Variants in UPP2 observed in about 807,000 individuals in gnomAD.
UPP2 encodes the protein uridine phosphorylase 2, also known as UPase 2.
In UPP2, 23 loss-of-function variants were observed where a neutral mutation model predicts 26.7. That is an observed-to-expected ratio of 0.86 (90% CI 0.62 to 1.22). The LOEUF (loss-of-function observed/expected upper bound fraction) is 1.22, where lower values mean the gene tolerates loss of function less well. Among genes scored for constraint, UPP2 ranks in the 50% most tolerant of loss-of-function variants. The probability of loss-of-function intolerance (pLI) is 0.00; values close to 1 mark genes in which losing one functional copy is unlikely to be tolerated. For missense variants in UPP2, 387 were observed against 396.7 expected (o/e 0.98, Z 0.21); for synonymous variants, 127 against 141.3 (o/e 0.90, Z 0.72).
At chr2:157,998,303 T>A (rs926089506) in intron 2 of UPP2, among the ~76,000 whole-genome samples, 16 of 152,158 alleles carry the variant, frequency 1.1e-4, no homozygotes, top group African/African-American at 3.9e-4. Flanking sequence ...TCCCACCTAA[T>A]GCTCCACCAG....
chr2:158,067,384 A>G lies in UPP2; in HGVS notation c.148-34656A>G, dbSNP rs190849543. Among the ~76,000 whole-genome samples the G allele has an allele frequency of 6.5e-3, 960 of 148,642 alleles. 4 individuals carry two copies. The highest frequency in any genetic ancestry group is 0.011 in the Middle Eastern group (3 of 282). The stretch of plus-strand genomic sequence containing the variant: ...GCATTTATCATCAAAAAAAAAAAAA[A>G]AGAGAGAGAGAGAAAAAGAAACAAA... On this transcript the variant is annotated intron_variant, in intron 3 of 9. Coordinates refer to the UPP2 transcript ENST00000605860.
chr2:158,123,667 C>T (rs1046455552), intron 5 of UPP2, 82 bp from the exon 6 acceptor site: 61 of 1,528,452 alleles, frequency 4.0e-5, no homozygotes, highest in Non-Finnish European at 5.2e-5. Flanking sequence ...GCAGCGTGCT[C>T]CAGCCAACAG....
intron 6 of UPP2, chr2:158,126,452 T>C (rs1192106869): frequency 6.6e-6 from 1 of 152,240 alleles, no homozygotes; most frequent in Non-Finnish European, 1.5e-5. Context: ...AATGTCTTCA[T>C]GGTGCCAGCG....
intron 3 of UPP2, among the ~76,000 whole-genome samples, chr2:158,071,770 G>T (rs1431004067): frequency 2.6e-5 from 4 of 151,922 alleles, no homozygotes; most frequent in Admixed American, 2.6e-4. Flanking sequence ...GTCCTGGCAG[G>T]ATTCATCATC....
chr2:158,005,372 A>C (rs1366047036), intron 2 of UPP2, among the ~76,000 whole-genome samples: 11 of 152,216 alleles, frequency 7.2e-5, no homozygotes, highest in African/African-American at 2.7e-4. Flanking sequence ...TTTAAGCAGG[A>C]GAACGACTTG....
intron 3 of UPP2, among the ~76,000 whole-genome samples, chr2:158,022,274 A>G (rs141799770): frequency 0.026 from 3,896 of 152,192 alleles, 161 homozygotes; most frequent in African/African-American, 0.089. Context: ...CCTGGCCAAC[A>G]TGGTGAAACC....
intron 2 of UPP2, among the ~76,000 whole-genome samples, chr2:158,107,959 C>T (rs1208788328): frequency 6.6e-6 from 1 of 152,138 alleles, no homozygotes; most frequent in African/African-American, 2.4e-5. Context: ...CTTTAATACT[C>T]AATAACCAGA....
intron 3 of UPP2, among the ~76,000 whole-genome samples, chr2:158,067,446 A>G (rs1682455947): frequency 6.6e-6 from 1 of 152,116 alleles, no homozygotes; most frequent in South Asian, 2.1e-4. Context: ...AGACAAAGAA[A>G]GACAAATGAG....
At chr2:158,114,580 A>G (rs1683385279) in intron 2 of UPP2, among the ~76,000 whole-genome samples, 1 of 152,260 alleles carries the variant, frequency 6.6e-6, no homozygotes, top group Non-Finnish European at 1.5e-5. Flanking sequence ...TTTCTTCTGA[A>G]TAAGAAATTT....
At chr2:158,029,401 T>C (rs1023167655) in intron 3 of UPP2, among the ~76,000 whole-genome samples, 2 of 152,230 alleles carry the variant, frequency 1.3e-5, no homozygotes, top group African/African-American at 2.4e-5. Context: ...GATAATTAGT[T>C]ACATTGCTTT....
At chr2:158,121,814 T>C (rs1011951480) in intron 5 of UPP2, among the ~76,000 whole-genome samples, 196 bp downstream of exon 5, 3 of 152,056 alleles carry the variant, frequency 2.0e-5, no homozygotes, top group African/African-American at 7.2e-5. Context: ...GAATTTATAT[T>C]GAGGGTGGAT....
chr2:157,998,745 G>A (rs1048264044), intron 2 of UPP2, among the ~76,000 whole-genome samples: 1 of 152,192 alleles, frequency 6.6e-6, no homozygotes, highest in Non-Finnish European at 1.5e-5. Flanking sequence ...GGAGGTTGCA[G>A]TGAGCCGAGA....
rs1360796372 is a variant in UPP2, at chr2:158,135,724, C to T, written c.*834C>T. 6.6e-6 allele frequency: 1 copy of T among 152,146 alleles called. No homozygotes were observed. Among genetic ancestry groups the T allele is most frequent in the African/African-American group, 2.4e-5 (1 of 41,434 alleles). The allele number at this position is 152,146 out of a possible 1,614,324, so 9.4% of individuals were successfully genotyped here. A position where few individuals can be genotyped will look rare whatever the true frequency, so the allele number is the denominator to read the frequency against. ...ATGTTAAAGGAATCCTTTTGTATGA[C>T]TTGTCCAGACCGGCCTATTGCCCTA... is the stretch of plus-strand genomic sequence containing the variant. On this transcript the variant is annotated 3_prime_UTR_variant, in exon 7 of 7. Transcript: ENST00000005756.
chr2:158,058,292 CAAAAAAAAAAAAAAAA>C (rs57994785), intron 3 of UPP2, among the ~76,000 whole-genome samples: 2 of 38,806 alleles, frequency 5.2e-5, no homozygotes, highest in African/African-American at 1.8e-4. Flanking sequence ...GACTCCGTCT[CAAAAAAAAAAAAAAAA>C]AAAAAAAAAA....
At chr2:158,052,640 G>T (rs1411198393) in intron 3 of UPP2, among the ~76,000 whole-genome samples, 1 of 152,074 alleles carries the variant, frequency 6.6e-6, no homozygotes, top group Non-Finnish European at 1.5e-5. Context: ...AACATCTTTG[G>T]GCGTCAATGT....
intron 2 of UPP2, among the ~76,000 whole-genome samples, chr2:158,107,771 G>C (rs1414495313): frequency 6.6e-6 from 1 of 152,152 alleles, no homozygotes; most frequent in African/African-American, 2.4e-5. Context: ...GAAGGTGTGA[G>C]GGCATGGGTG....
At chr2:158,085,380 T>A (rs547015167) in intron 3 of UPP2, among the ~76,000 whole-genome samples, 8 of 152,324 alleles carry the variant, frequency 5.3e-5, no homozygotes, top group African/African-American at 1.4e-4. Flanking sequence ...AATTCATTTA[T>A]CAGTTCTAGG....
chr2:158,046,593 T>A (rs1428637107), intron 3 of UPP2, among the ~76,000 whole-genome samples: 1 of 152,198 alleles, frequency 6.6e-6, no homozygotes, highest in African/African-American at 2.4e-5. Context: ...TCTTCACTAG[T>A]TTGCCTATGG....
In UPP2 at chr2:158,123,877, G is replaced by GGTCTAAAAGGTA; in HGVS notation, c.794_795insTCTAAAAGGTAG (p.Leu266_Cys267insLysGlyArgLeu). The GGTCTAAAAGGTA allele has an allele frequency of 6.2e-7, 1 of 1,613,530 alleles. No individual in the cohort carries two copies. The highest frequency in any genetic ancestry group is 8.5e-7 in the Non-Finnish European group (1 of 1,179,728). Reference sequence around the variant, plus strand: ...ATCTACAGTGTTTGCAGCTATGTGTGGACTCTGTGGTCTAAAAGGTAAGCT... The same window carrying GGTCTAAAAGGTA: ...ATCTACAGTGTTTGCAGCTATGTGTGGTCTAAAAGGTAGACTCTGTGGTCTAAAAGGTAAGCT... On this transcript the variant is annotated inframe_insertion, in exon 6 of 7. Coordinates refer to ENST00000005756, the MANE Select transcript of UPP2 (RefSeq NM_173355.4).
Sources: allele counts gnomAD v4.1 joint callset (sites outside exome capture counted in the v4.1 genomes callset), GRCh38; gene constraint gnomAD v4.1.1; transcripts MANE v1.5; gene names NCBI Gene and HGNC (gene_info 2026-07-23, HGNC 2026-07-21).